The following MICU1 variants were observed in gnomAD, a reference collection of about 807,000 sequenced individuals.
MICU1 encodes calcium uptake protein 1, mitochondrial.
MICU1 carries 45 observed loss-of-function variants against 56.8 expected under a neutral mutation model. That is an observed-to-expected ratio of 0.79 (90% CI 0.62 to 1.02). The LOEUF (loss-of-function observed/expected upper bound fraction) is 1.02, where lower values mean the gene tolerates loss of function less well. Among genes scored for constraint, MICU1 ranks in the 50% least tolerant of loss-of-function variants. MICU1 has a pLI of 0.00. For synonymous variants in MICU1, 186 were observed against 195.1 expected (o/e 0.95, Z 0.39); for missense variants, 504 against 587.1 (o/e 0.86, Z 1.46).
At chr10:72,606,524 A>AT (rs150892975) in intron 1 of MICU1, among the ~76,000 whole-genome samples, 1 of 151,240 alleles carries the variant, frequency 6.6e-6, no homozygotes, top group African/African-American at 2.4e-5. Context: ...AAAAAAAAAA[A>AT]TTTTTTTTTA....
At chr10:72,592,694 T>C (rs1349977052) in intron 1 of MICU1, among the ~76,000 whole-genome samples, 2 of 151,912 alleles carry the variant, frequency 1.3e-5, no homozygotes, top group Non-Finnish European at 2.9e-5. Flanking sequence ...TAATGCAATA[T>C]ACAACATTAA....
intron 6 of MICU1, among the ~76,000 whole-genome samples, chr10:72,486,181 TAAAG>T (rs1245313331): frequency 3.3e-5 from 5 of 151,640 alleles, no homozygotes; most frequent in Admixed American, 6.6e-5. Context: ...AACTAAAACA[TAAAG>T]AAAGCAGGGT....
intron 8 of MICU1, among the ~76,000 whole-genome samples, chr10:72,435,045 TA>T (rs1296830480): frequency 1.3e-5 from 2 of 152,070 alleles, no homozygotes; most frequent in Non-Finnish European, 2.9e-5. Flanking sequence ...TAGTAATCCA[TA>T]GTTGATTATC....
At chr10:72,606,075 G>C (rs527315946) in intron 1 of MICU1, among the ~76,000 whole-genome samples, 1 of 150,090 alleles carries the variant, frequency 6.7e-6, no homozygotes, top group African/African-American at 2.5e-5. Flanking sequence ...AGGTTGCAGT[G>C]AGCCAAGATT....
intron 10 of MICU1, among the ~76,000 whole-genome samples, chr10:72,400,501 T>G (rs1863416066): frequency 6.6e-6 from 1 of 152,052 alleles, no homozygotes; most frequent in Non-Finnish European, 1.5e-5. Context: ...ATCCCAGCAC[T>G]TTGGGAGGCT....
In MICU1 at chr10:72,562,429, T is replaced by C. The variant is rs1266482634; in HGVS notation, c.330+466A>G. On this transcript the variant is annotated intron_variant, in intron 3 of 11. Coordinates refer to ENST00000361114, the MANE Select transcript of MICU1 (RefSeq NM_001195518.2). Reference sequence around the variant, plus strand: ...TCCGCCTCCCAGAGTGCTGGGATTATAGGCATGAGCCACCATGCGGGGCCT... The same window carrying C: ...TCCGCCTCCCAGAGTGCTGGGATTACAGGCATGAGCCACCATGCGGGGCCT... 3.3e-5 allele frequency among the ~76,000 whole-genome samples: 5 copies of C among 152,226 alleles called. No individual in the cohort carries two copies. In the East Asian group the frequency reaches 7.7e-4, roughly 24 times the overall value.
chr10:72,387,711 A>C (rs150530274), intron 10 of MICU1, among the ~76,000 whole-genome samples: 10 of 151,964 alleles, frequency 6.6e-5, no homozygotes, highest in African/African-American at 2.4e-4. Flanking sequence ...AAATGTCAAA[A>C]GTGACTAAAA....
intron 6 of MICU1, among the ~76,000 whole-genome samples, chr10:72,490,461 T>C (rs910002278): frequency 7.9e-5 from 12 of 152,130 alleles, no homozygotes; most frequent in African/African-American, 2.4e-4. Context: ...AGATCTGAAT[T>C]AGCTCAATGG....
chr10:72,523,023 A>C (rs1303355217), intron 5 of MICU1, among the ~76,000 whole-genome samples: 1 of 152,112 alleles, frequency 6.6e-6, no homozygotes, highest in Non-Finnish European at 1.5e-5. Flanking sequence ...AGTTTAAAGA[A>C]GACTGGTGCT....
chr10:72,457,384 ATT>A (rs5786076), intron 8 of MICU1, among the ~76,000 whole-genome samples: 194 of 141,618 alleles, frequency 1.4e-3, no homozygotes, highest in Non-Finnish European at 1.9e-3. Context: ...TGCTTGGCCC[ATT>A]TTTTTTTTTT....
chr10:72,458,879 A>ATTTTTTTTTTTTT (rs538552469), intron 8 of MICU1, among the ~76,000 whole-genome samples: 1 of 126,304 alleles, frequency 7.9e-6, no homozygotes, highest in Non-Finnish European at 1.7e-5. Context: ...CCCAGCTACC[A>ATTTTTTTTTTTTT]TTTTTTTTTT....
At chr10:72,496,070 G>T (rs114345584) in intron 6 of MICU1, among the ~76,000 whole-genome samples, 1 of 151,658 alleles carries the variant, frequency 6.6e-6, no homozygotes, top group Non-Finnish European at 1.5e-5. Context: ...GGTCTCAAGC[G>T]ATCCTCCCAC....
intron 1 of MICU1, among the ~76,000 whole-genome samples, chr10:72,595,433 CAG>C (rs1841350094): frequency 8.8e-6 from 1 of 114,160 alleles, no homozygotes; most frequent in Admixed American, 1.2e-4. Flanking sequence ...ACCTGGGTGA[CAG>C]AGACTCTGTC....
chr10:72,402,606 CA>C (rs1863492009), intron 10 of MICU1, among the ~76,000 whole-genome samples: 1 of 151,406 alleles, frequency 6.6e-6, no homozygotes, highest in Admixed American at 6.6e-5. Flanking sequence ...AAAACAAAAA[CA>C]AAAAATGATC....
intron 1 of MICU1, among the ~76,000 whole-genome samples, chr10:72,586,273 A>G (rs1261077542): frequency 6.6e-6 from 1 of 151,762 alleles, no homozygotes; most frequent in Non-Finnish European, 1.5e-5. Context: ...TAGCCTCCCA[A>G]AGTTCTGGAA....
chr10:72,584,236 T>C (rs59039451), intron 1 of MICU1, among the ~76,000 whole-genome samples: 3 of 152,032 alleles, frequency 2.0e-5, no homozygotes, highest in Non-Finnish European at 4.4e-5. Flanking sequence ...GCCTTTTTAC[T>C]GCAACAATAA....
At chr10:72,460,665 T>C (rs1011647380) in intron 8 of MICU1, among the ~76,000 whole-genome samples, 3 of 152,200 alleles carry the variant, frequency 2.0e-5, no homozygotes, top group African/African-American at 7.2e-5. Context: ...ACATAATTCA[T>C]TCACAAATGA....
chr10:72,390,850 A>C (rs1306096279), intron 10 of MICU1, among the ~76,000 whole-genome samples: 1 of 152,214 alleles, frequency 6.6e-6, no homozygotes, highest in African/African-American at 2.4e-5. Flanking sequence ...CTGCTTCTAC[A>C]CTTATCTTTC....
At chr10:72,609,509 C>A (rs1841780973) in intron 1 of MICU1, among the ~76,000 whole-genome samples, 1 of 151,838 alleles carries the variant, frequency 6.6e-6, no homozygotes, top group African/African-American at 2.4e-5. Flanking sequence ...CCGAGGCGGG[C>A]AGATCACGAG....
Sources: gnomAD v4.1 joint callset for allele counts (sites outside exome capture counted in the v4.1 genomes callset) on GRCh38, gnomAD v4.1.1 for gene constraint, MANE v1.5 for transcripts, NCBI Gene and HGNC (gene_info 2026-07-23, HGNC 2026-07-21) for gene names.